Variants in ETNK1 observed in about 807,000 individuals in gnomAD.
The protein encoded by ETNK1 is ethanolamine kinase 1.
A neutral mutation model predicts 45.1 loss-of-function variants in ETNK1; 8 were observed. The ratio of observed to expected loss-of-function variants is 0.18; its 90% CI spans 0.10 to 0.32. The LOEUF (loss-of-function observed/expected upper bound fraction) is 0.32, where lower values mean the gene tolerates loss of function less well. ETNK1 is among the 10% of genes least tolerant of loss of function. The pLI is 1.00. For synonymous variants in ETNK1, 152 were observed against 151.9 expected (o/e 1.00, Z -0.01); for missense variants, 302 against 430.6 (o/e 0.70, Z 2.64).
intron 4 of ETNK1, among the ~76,000 whole-genome samples, chr12:22,664,773 T>A (rs183437833): frequency 7.2e-5 from 11 of 152,262 alleles, no homozygotes; most frequent in African/African-American, 2.6e-4. Context: ...TGATTTTTTA[T>A]TACTTCTTAA....
intron 5 of ETNK1, among the ~76,000 whole-genome samples, chr12:22,672,198 T>C (rs1206895458): frequency 6.6e-6 from 1 of 152,138 alleles, no homozygotes; most frequent in African/African-American, 2.4e-5. Context: ...AATTTATAAT[T>C]ACTTAAGTTA....
intron 4 of ETNK1, among the ~76,000 whole-genome samples, chr12:22,662,049 T>G (rs1233125131): frequency 1.3e-5 from 1 of 79,914 alleles, no homozygotes; most frequent in Non-Finnish European, 2.2e-5. Context: ...GGAAACTAGT[T>G]CCCCGCACCC....
At chr12:22,640,292 T>G (rs2137529901) in intron 1 of ETNK1, among the ~76,000 whole-genome samples, 1 of 152,190 alleles carries the variant, frequency 6.6e-6, no homozygotes, top group South Asian at 2.1e-4. Context: ...TTTTAGGGAT[T>G]AAAGTTTAAC....
chr12:22,643,099 GT>G (rs1362371350), intron 1 of ETNK1, among the ~76,000 whole-genome samples: 1 of 151,774 alleles, frequency 6.6e-6, no homozygotes, highest in Non-Finnish European at 1.5e-5. Context: ...AGCCATAGTG[GT>G]TAAATTATAA....
At chr12:22,658,926 G>A (rs1953971754) in intron 2 of ETNK1, 88 bp from the exon 3 acceptor site, 13 of 1,384,386 alleles carry the variant, frequency 9.4e-6, no homozygotes, top group South Asian at 1.4e-5. Flanking sequence ...TCGGGAGACT[G>A]ACTAAAGTTT....
chr12:22,684,844 C>A, intron 7 of ETNK1, 38 bp from the exon 8 acceptor site: 1 of 1,533,046 alleles, frequency 6.5e-7, no homozygotes. Flanking sequence ...AGTTTTTCAG[C>A]TTTGACTAAT....
intron 1 of ETNK1, among the ~76,000 whole-genome samples, chr12:22,636,156 CCT>C (rs1482778494): frequency 6.6e-6 from 1 of 151,748 alleles, no homozygotes; most frequent in Non-Finnish European, 1.5e-5. Flanking sequence ...AGAGTGGGAC[CCT>C]CTCTCAAAAA....
intron 1 of ETNK1, 170 bp downstream of exon 1, chr12:22,625,756 C>T: frequency 9.9e-7 from 1 of 1,005,692 alleles, no homozygotes. Context: ...AGGGTCACTC[C>T]CCCTTCCCGT....
chr12:22,650,783 A>AT lies in ETNK1; in HGVS notation c.416+6762dup, dbSNP rs1254170695. Among the ~76,000 whole-genome samples the AT allele has an allele frequency of 6.6e-5, 10 of 152,274 alleles. No individual in the cohort carries two copies. The East Asian group carries it at 1.9e-3, about 29-fold the overall frequency. On this transcript the variant is annotated intron_variant, in intron 2 of 7. Coordinates refer to ENST00000266517, the MANE Select transcript of ETNK1 (RefSeq NM_018638.5). ...AATGTAGCATTTTCTGTTGTATATA[A>AT]TATTTGCTAGCAGAAAACAATTGAG...
chr12:22,664,975 A>G (rs1168082291), intron 4 of ETNK1, among the ~76,000 whole-genome samples: 1 of 152,164 alleles, frequency 6.6e-6, no homozygotes, highest in East Asian at 1.9e-4. Context: ...TTAAATTTAT[A>G]CTGGATTATC....
At chr12:22,663,521 G>A (rs775067552) in intron 4 of ETNK1, among the ~76,000 whole-genome samples, 39 of 151,950 alleles carry the variant, frequency 2.6e-4, no homozygotes, top group Non-Finnish European at 5.0e-4. Flanking sequence ...TGTCTTGGGT[G>A]TTAAAAAATA....
At chr12:22,660,612 T>A (rs1299534862) in intron 3 of ETNK1, among the ~76,000 whole-genome samples, 1 of 152,198 alleles carries the variant, frequency 6.6e-6, no homozygotes, top group African/African-American at 2.4e-5. Context: ...TAGATTTATA[T>A]TGCATTCACC....
chr12:22,629,143 C>T (rs909524161), intron 1 of ETNK1, among the ~76,000 whole-genome samples: 2 of 152,054 alleles, frequency 1.3e-5, no homozygotes, highest in African/African-American at 4.8e-5. Context: ...TGCTGAGCAC[C>T]TACTATATAT....
chr12:22,631,430 C>T (rs1314862291), intron 1 of ETNK1, among the ~76,000 whole-genome samples: 1 of 152,158 alleles, frequency 6.6e-6, no homozygotes, highest in African/African-American at 2.4e-5. Flanking sequence ...CTTCCTCAAC[C>T]TCCCAAAGTG....
intron 6 of ETNK1, among the ~76,000 whole-genome samples, chr12:22,675,874 A>G (rs1425014171): frequency 6.6e-6 from 1 of 152,220 alleles, no homozygotes; most frequent in Non-Finnish European, 1.5e-5. Context: ...GAATAATTTA[A>G]TATGTCCTCT....
At position 22,684,945 on chromosome 12, in the gene ETNK1, G is replaced by T. The variant is rs138041873; in HGVS notation, c.1083G>T (p.Val361=). 1 of 1,603,658 alleles carries T rather than the reference G, an allele frequency of 6.2e-7. No individual in the cohort carries two copies. Among genetic ancestry groups the T allele is most frequent in the East Asian group, 2.2e-5 (1 of 44,558 alleles). The change falls in exon 8 of 8, where the codon GTG becomes GTT. Residue 361 remains valine, a synonymous_variant. Coordinates refer to ENST00000266517, the MANE Select transcript of ETNK1 (RefSeq NM_018638.5). ...KMKPEVTALK[V]PE is the part of the protein sequence containing the mutation. ...AGCCTGAGGTTACTGCATTAAAAGT[G>T]CCTGAGTAAAGAAGAGATTTAATTA...
rs1222689435 is a variant in ETNK1 at position 22,659,029 on chromosome 12, G to A, written c.432G>A (p.Gln144=). Residue 144 remains glutamine, a synonymous_variant, in exon 3 of 8, where the codon CAG becomes CAA. Coordinates refer to ENST00000266517, the MANE Select transcript of ETNK1 (RefSeq NM_018638.5). The part of the protein sequence containing the change: ...NPAIFRLIAR[Q]LAKIHAIHAH... ...TTTTAAACAGGCTAATAGCTCGTCAGCTTGCTAAAATCCATGCTATTCATG... is the reference window on the plus strand; with the variant it reads ...TTTTAAACAGGCTAATAGCTCGTCAACTTGCTAAAATCCATGCTATTCATG... The A allele has an allele frequency of 1.2e-6, 2 of 1,613,384 alleles. No individual in the cohort carries two copies. Among genetic ancestry groups the A allele is most frequent in the Admixed American group, 3.3e-5 (2 of 59,918 alleles).
At chr12:22,638,272 G>A (rs1393527225) in intron 1 of ETNK1, among the ~76,000 whole-genome samples, 2 of 145,324 alleles carry the variant, frequency 1.4e-5, no homozygotes, top group East Asian at 4.0e-4. Context: ...TTTTTTTTGA[G>A]ACGGAGTCTC....
Position 22,685,936 on chromosome 12 carries a change from C to A in ETNK1, c.*982C>A, listed in dbSNP as rs1954256692. On this transcript the variant is annotated 3_prime_UTR_variant, in exon 8 of 8. Transcript: ENST00000266517. ...CTATCCAGAGTCATTCCTTACATTT[C>A]AGTTTCATGTTTCATTCCTCACATT... The A allele has an allele frequency of 6.6e-6, 1 of 152,204 alleles. No homozygotes were observed. 9.4% of individuals were successfully genotyped at this position (152,204 alleles called of 1,614,324 possible).
Sources: allele counts gnomAD v4.1 joint callset (sites outside exome capture counted in the v4.1 genomes callset), GRCh38; gene constraint gnomAD v4.1.1; transcripts MANE v1.5; gene names NCBI Gene and HGNC (gene_info 2026-07-23, HGNC 2026-07-21).